CDH22: variants seen among roughly 807,000 people sequenced by gnomAD.
The protein encoded by CDH22 is cadherin 22.
A neutral mutation model predicts 58.4 loss-of-function variants in CDH22; 30 were observed. The observed-to-expected ratio is 0.51, with a 90% CI of 0.38 to 0.70. The LOEUF (loss-of-function observed/expected upper bound fraction) is 0.70, where lower values mean the gene tolerates loss of function less well. Among genes scored for constraint, CDH22 ranks in the 30% least tolerant of loss-of-function variants. The pLI is 0.00. For missense variants in CDH22, 1,014 were observed against 1,233.9 expected (o/e 0.82, Z 2.67); for synonymous variants, 513 against 558.2 (o/e 0.92, Z 1.14).
At chr20:46,218,507 G>T (rs568182742) in intron 4 of CDH22, among the ~76,000 whole-genome samples, 1 of 152,258 alleles carries the variant, frequency 6.6e-6, no homozygotes, top group Admixed American at 6.5e-5. Context: ...ATACACACAT[G>T]CAACGTAGTT....
intron 2 of CDH22, among the ~76,000 whole-genome samples, chr20:46,246,862 C>T (rs544357285): frequency 1.1e-4 from 16 of 152,250 alleles, no homozygotes; most frequent in East Asian, 5.8e-4. Flanking sequence ...TAACTGAAAC[C>T]GTGGTGAAGT....
intron 1 of CDH22, among the ~76,000 whole-genome samples, chr20:46,299,313 G>A (rs2086641174): frequency 6.6e-6 from 1 of 152,176 alleles, no homozygotes; most frequent in African/African-American, 2.4e-5. Flanking sequence ...TCAACACACA[G>A]CTCAAATACT....
chr20:46,192,970 A>G (rs1175738711), intron 8 of CDH22, among the ~76,000 whole-genome samples: 1 of 151,632 alleles, frequency 6.6e-6, no homozygotes, highest in African/African-American at 2.4e-5. Flanking sequence ...CCTTGAAGGG[A>G]CTTCAGTGAT....
intron 8 of CDH22, among the ~76,000 whole-genome samples, chr20:46,196,115 G>A (rs2085900074): frequency 6.6e-6 from 1 of 152,180 alleles, no homozygotes; most frequent in Non-Finnish European, 1.5e-5. Flanking sequence ...TGGGAAGCCG[G>A]AGGTCTTGGG....
At chr20:46,237,478 G>T (rs2086261679) in intron 3 of CDH22, among the ~76,000 whole-genome samples, 1 of 152,216 alleles carries the variant, frequency 6.6e-6, no homozygotes, top group Non-Finnish European at 1.5e-5. Flanking sequence ...GGATCAGGAG[G>T]CTCAGTAATT....
chr20:46,302,328 G>T (rs938789792), intron 1 of CDH22, among the ~76,000 whole-genome samples: 1 of 152,064 alleles, frequency 6.6e-6, no homozygotes, highest in Admixed American at 6.5e-5. Flanking sequence ...AGCATCCCTG[G>T]CCTCTACCCA....
intron 1 of CDH22, among the ~76,000 whole-genome samples, chr20:46,252,509 T>C (rs2086383968): frequency 6.6e-6 from 1 of 152,250 alleles, no homozygotes; most frequent in African/African-American, 2.4e-5. Context: ...TCTGAGGGAC[T>C]AACGCCTACT....
intron 5 of CDH22, among the ~76,000 whole-genome samples, chr20:46,215,836 C>T (rs2425786): frequency 0.52 from 78,634 of 152,072 alleles, 23,559 homozygotes; most frequent in Middle Eastern, 0.69. Flanking sequence ...CCATGCCACC[C>T]GTCTGCATGG....
intron 7 of CDH22, among the ~76,000 whole-genome samples, chr20:46,208,229 T>C (rs1380660239): frequency 6.6e-6 from 1 of 152,156 alleles, no homozygotes; most frequent in Non-Finnish European, 1.5e-5. Flanking sequence ...AACCTCCTCC[T>C]CTGGATCAGT....
chr20:46,264,919 T>A (rs2086451382), intron 1 of CDH22, among the ~76,000 whole-genome samples: 1 of 150,578 alleles, frequency 6.6e-6, no homozygotes, highest in Admixed American at 6.6e-5. Context: ...CACACACACA[T>A]ACCGTGTACA....
chr20:46,270,859 G>A (rs542438222), intron 1 of CDH22, among the ~76,000 whole-genome samples: 1 of 152,336 alleles, frequency 6.6e-6, no homozygotes, highest in Admixed American at 6.5e-5. Context: ...ACCTGGGCTG[G>A]ACTTCCAGCT....
At chr20:46,263,604 C>A (rs2086444741) in intron 1 of CDH22, among the ~76,000 whole-genome samples, 12 of 152,130 alleles carry the variant, frequency 7.9e-5, no homozygotes, top group Admixed American at 7.9e-4. Context: ...AGTTAGGGAA[C>A]AGTTCCCTGA....
At chr20:46,252,991 G>A (rs1424704477) in intron 1 of CDH22, among the ~76,000 whole-genome samples, 1 of 152,250 alleles carries the variant, frequency 6.6e-6, no homozygotes, top group Admixed American at 6.5e-5. Flanking sequence ...AGTGTGCATG[G>A]TGGCTGAGTG....
intron 1 of CDH22, among the ~76,000 whole-genome samples, chr20:46,277,116 C>G (rs1434636916): frequency 6.6e-6 from 1 of 151,412 alleles, no homozygotes; most frequent in Admixed American, 6.6e-5. Context: ...TAGCGAGACC[C>G]TGTCTCTAGT....
chr20:46,226,292 C>CTTCTTCTTCTT (rs2086174105), intron 4 of CDH22, among the ~76,000 whole-genome samples: 1 of 105,446 alleles, frequency 9.5e-6, no homozygotes, highest in African/African-American at 5.1e-5. Context: ...TCTTCTTCTT[C>CTTCTTCTTCTT]TTTTTTTTTT....
At chr20:46,271,993 T>C (rs1387388690) in intron 1 of CDH22, among the ~76,000 whole-genome samples, 2 of 152,202 alleles carry the variant, frequency 1.3e-5, no homozygotes, top group African/African-American at 2.4e-5. Context: ...AAACTGACTC[T>C]TCTCTGGGGT....
intron 1 of CDH22, among the ~76,000 whole-genome samples, chr20:46,265,323 CTT>C (rs2086454206): frequency 6.6e-6 from 1 of 152,204 alleles, no homozygotes; most frequent in Non-Finnish European, 1.5e-5. Flanking sequence ...TCCTCCTCCT[CTT>C]TCTCTACTTT....
intron 1 of CDH22, among the ~76,000 whole-genome samples, chr20:46,288,872 C>A (rs981690284): frequency 3.9e-5 from 6 of 152,244 alleles, no homozygotes; most frequent in African/African-American, 9.6e-5. Context: ...TTGCAACAGC[C>A]TCCTAACTGG....
In CDH22 at chr20:46,306,233, C is replaced by T. The variant is rs531035770; in HGVS notation, c.-400+2022G>A. Among the ~76,000 whole-genome samples the T allele has an allele frequency of 4.6e-5, 7 of 152,376 alleles. No homozygotes were observed. The South Asian group carries it at 1.2e-3, about 27-fold the overall frequency. On this transcript the variant is annotated intron_variant, in intron 1 of 11. Coordinates refer to ENST00000537909, the MANE Select transcript of CDH22 (RefSeq NM_021248.3). Reference sequence around the variant, plus strand: ...CGGCTCTGTTTTGCCCCAGGCCTACCCAACACATAAGCAGCGTTGGTGAGG... The same window carrying T: ...CGGCTCTGTTTTGCCCCAGGCCTACTCAACACATAAGCAGCGTTGGTGAGG...
Sources: allele counts gnomAD v4.1 joint callset (sites outside exome capture counted in the v4.1 genomes callset), GRCh38; gene constraint gnomAD v4.1.1; transcripts MANE v1.5; gene names NCBI Gene and HGNC (gene_info 2026-07-23, HGNC 2026-07-21).